The following GAK variants were observed in gnomAD, a reference collection of about 807,000 sequenced individuals.
The protein encoded by GAK is cyclin G associated kinase.
A neutral mutation model predicts 143.9 loss-of-function variants in GAK; 79 were observed. The ratio of observed to expected loss-of-function variants is 0.55; its 90% confidence interval spans 0.46 to 0.66. The LOEUF (loss-of-function observed/expected upper bound fraction) is 0.66, where lower values mean the gene tolerates loss of function less well. Ranked by LOEUF, GAK falls within the 30% of genes least tolerant of loss-of-function variation. The pLI, the probability that GAK is intolerant of heterozygous loss-of-function variation, is 0.00. For synonymous variants in GAK, 881 were observed against 765.5 expected (o/e 1.15, Z -2.49); for missense variants, 1,693 against 1,779.7 (o/e 0.95, Z 0.88).
chr4:904,591 C>A lies in GAK; in HGVS notation c.525+46G>T, dbSNP rs769327269. 8.6e-6 allele frequency: 13 copies of A among 1,520,352 alleles called. No individual in the cohort carries two copies. The South Asian group carries it at 1.7e-4, about 20-fold the overall frequency. 94.2% of individuals were successfully genotyped at this position (1,520,352 alleles called of 1,614,324 possible). The stretch of plus-strand genomic sequence containing the variant: ...ATGGGCGGCTCCTAACCGAGTGGGA[C>A]CCGCACACAGAGGCCTTGGCAGCCG... On this transcript the variant is annotated intron_variant, in intron 5 of 27. Coordinates refer to ENST00000314167, the MANE Select transcript of GAK (RefSeq NM_005255.4).
rs918110344 is a variant in GAK, at chr4:881,153, A to G, written c.1661+754T>C. On this transcript the variant is annotated intron_variant, in intron 15 of 27. Transcript: ENST00000314167. Reference sequence around the variant, plus strand: ...CTGTGCGCCCCATCCAGAGGGGATAAAGAATGGGGAGTCCCCTGACGCTTG... The same window carrying G: ...CTGTGCGCCCCATCCAGAGGGGATAGAGAATGGGGAGTCCCCTGACGCTTG... Among the ~76,000 whole-genome samples the G allele has an allele frequency of 9.8e-5, 15 of 152,290 alleles. No individual in the cohort carries two copies. In the East Asian group the frequency reaches 2.7e-3, roughly 27 times the overall value.
In GAK at chr4:893,380, T is replaced by G. The variant is rs751170998; in HGVS notation, c.987A>C (p.Thr329=). 6.4e-7 allele frequency: 1 copy of G among 1,570,200 alleles called. No homozygotes were observed. The highest frequency in any genetic ancestry group is 1.2e-5 in the South Asian group (1 of 85,840). ...GGCTCACGTGTGCCTCCCTCACCTCTGTGATGGGAGACTTGGGGTTCACGT... is the reference window on the plus strand; with the variant it reads ...GGCTCACGTGTGCCTCCCTCACCTCGGTGATGGGAGACTTGGGGTTCACGT... ...ARNVNPKSPI[T]ELLEQNGGYG... is the part of the protein sequence containing the mutation. Residue 329 remains threonine, a synonymous_variant, in exon 9 of 28, where the codon ACA becomes ACC. Coordinates refer to ENST00000314167, the MANE Select transcript of GAK (RefSeq NM_005255.4).
At chr4:912,270 C>T (rs549236495) in intron 3 of GAK, 3 of 422,390 alleles carry the variant, frequency 7.1e-6, no homozygotes, top group East Asian at 1.4e-4. Flanking sequence ...AGTGCAGCCC[C>T]CAGATCCTCT....
intron 11 of GAK, among the ~76,000 whole-genome samples, chr4:885,366 G>T (rs778945558): frequency 1.3e-5 from 2 of 152,204 alleles, no homozygotes; most frequent in Non-Finnish European, 2.9e-5. Flanking sequence ...ACCTGAGGTT[G>T]GGAGTTTGAG....
chr4:905,495 G>GCCCCATGCCACGCTACGGACTCCGCCACA (rs1720907074), intron 4 of GAK, among the ~76,000 whole-genome samples: 2 of 144,794 alleles, frequency 1.4e-5, no homozygotes, highest in African/African-American at 5.2e-5. Context: ...ACTCCGCCAC[G>GCCCCATGCCACGCTACGGACTCCGCCACA]CCCCATGCCA....
chr4:857,447 C>CT (rs1749491224), intron 24 of GAK, among the ~76,000 whole-genome samples: 2 of 152,054 alleles, frequency 1.3e-5, no homozygotes, highest in South Asian at 4.1e-4. Flanking sequence ...CGCAGGTTTC[C>CT]TTTTTGGGAA....
intron 11 of GAK, chr4:886,345 C>A (rs1189209057): frequency 6.6e-6 from 1 of 152,210 alleles, no homozygotes; most frequent in African/African-American, 2.4e-5. Context: ...CCCAGCAGAG[C>A]CATTTCTAGA....
chr4:877,589 C>G (rs2306254), intron 16 of GAK, 26 bp downstream of exon 16: 4 of 1,546,180 alleles, frequency 2.6e-6, no homozygotes, highest in Non-Finnish European at 3.5e-6. Flanking sequence ...GGAGGGAGCA[C>G]AGCGTGGGGC....
chr4:870,649 G>C, intron 19 of GAK, 62 bp downstream of exon 19: 1 of 1,542,996 alleles, frequency 6.5e-7, no homozygotes, highest in Non-Finnish European at 8.9e-7. Context: ...AGCCAAAGGT[G>C]TCTCTCTCCA....
At chr4:849,833 G>GGGGGGCCCCCCCCCCCCCC in intron 27 of GAK, 59 bp from the exon 28 acceptor site, 1 of 1,190,154 alleles carries the variant, frequency 8.4e-7, no homozygotes. Flanking sequence ...GGCGGGGCAG[G>GGGGGGCCCCCCCCCCCCCC]ACCCCCCCCC....
chr4:896,336 G>A (rs550469779), intron 7 of GAK, 124 bp downstream of exon 7: 30 of 711,722 alleles, frequency 4.2e-5, no homozygotes, highest in Non-Finnish European at 6.5e-5. Context: ...AAAAGGGGAC[G>A]GGAGGGGAAG....
At chr4:865,811 A>T (rs1489171820) in intron 22 of GAK, among the ~76,000 whole-genome samples, 1 of 152,204 alleles carries the variant, frequency 6.6e-6, no homozygotes, top group Non-Finnish European at 1.5e-5. Context: ...GAGAGAACCC[A>T]GGCTCCTTCC....
chr4:857,462 T>C (rs985620066), intron 24 of GAK, among the ~76,000 whole-genome samples: 1 of 152,234 alleles, frequency 6.6e-6, no homozygotes, highest in Non-Finnish European at 1.5e-5. Flanking sequence ...TGGGAAGTTT[T>C]TAATTATGAA....
At chr4:851,128 C>T (rs1214389433) in intron 25 of GAK, 44 bp from the exon 26 acceptor site, 2 of 1,547,984 alleles carry the variant, frequency 1.3e-6, no homozygotes, top group Non-Finnish European at 8.9e-7. Flanking sequence ...ACAGGGTCTC[C>T]ACTCTGTCAC....
At chr4:923,913 C>T (rs1053150509) in intron 1 of GAK, among the ~76,000 whole-genome samples, 1 of 151,346 alleles carries the variant, frequency 6.6e-6, no homozygotes, top group African/African-American at 2.4e-5. Context: ...GGCCAGGCGC[C>T]GTGGCTCATG....
rs370718849 is a variant in GAK, at chr4:913,588, G to A, written c.207+19C>T. ...TACATACGTCAGAAATCCAGAGAAGGCGTTAAATGGTTCATTACCTTTAAT... is the reference window on the plus strand; with the variant it reads ...TACATACGTCAGAAATCCAGAGAAGACGTTAAATGGTTCATTACCTTTAAT... On this transcript the variant is annotated intron_variant, in intron 2 of 27. Transcript: ENST00000314167. 1 of 1,594,844 alleles carries A rather than the reference G, an allele frequency of 6.3e-7. No homozygotes were observed. Among genetic ancestry groups the A allele is most frequent in the South Asian group, 1.1e-5 (1 of 90,692 alleles).
intron 1 of GAK, among the ~76,000 whole-genome samples, chr4:923,347 A>T (rs1009245179): frequency 2.6e-5 from 4 of 152,146 alleles, no homozygotes; most frequent in Middle Eastern, 3.2e-3. Flanking sequence ...TGTTATATAC[A>T]TTTTACAGCA....
At chr4:896,621 C>A in intron 6 of GAK, 72 bp from the exon 7 acceptor site, 2 of 1,174,258 alleles carry the variant, frequency 1.7e-6, no homozygotes, top group Non-Finnish European at 2.5e-6. Context: ...GCACCACTTC[C>A]GTGCAGCTTT....
intron 16 of GAK, among the ~76,000 whole-genome samples, 169 bp from the exon 17 acceptor site, chr4:877,376 C>G (rs987674466): frequency 6.6e-6 from 1 of 152,150 alleles, no homozygotes; most frequent in African/African-American, 2.4e-5. Flanking sequence ...CCTGGGCACT[C>G]GGATCCCTGT....
Sources: allele counts gnomAD v4.1 joint callset (sites outside exome capture counted in the v4.1 genomes callset), GRCh38; gene constraint gnomAD v4.1.1; transcripts MANE v1.5; gene names NCBI Gene and HGNC (gene_info 2026-07-23, HGNC 2026-07-21).